Variants in FSTL5 observed in about 807,000 individuals in gnomAD.
FSTL5 encodes follistatin-related protein 5.
In FSTL5, 62 loss-of-function variants were observed where a neutral mutation model predicts 89.1. That is an observed-to-expected ratio of 0.70 (90% CI 0.57 to 0.86). The LOEUF (loss-of-function observed/expected upper bound fraction) is 0.86. Ranked by LOEUF, FSTL5 falls within the 40% of genes least tolerant of loss-of-function variation. The pLI, the probability that FSTL5 is intolerant of heterozygous loss-of-function variation, is 0.00. For missense variants in FSTL5, 1,057 were observed against 1,001.6 expected (o/e 1.06, Z -0.75); for synonymous variants, 383 against 346.2 (o/e 1.11, Z -1.18).
chr4:161,719,505 T>C (rs1279511282), intron 6 of FSTL5, among the ~76,000 whole-genome samples: 1 of 152,194 alleles, frequency 6.6e-6, no homozygotes, highest in Non-Finnish European at 1.5e-5. Flanking sequence ...GTGTTTTCTA[T>C]TTCTGTAAAA....
chr4:161,541,382 G>T (rs1449325918), intron 9 of FSTL5, among the ~76,000 whole-genome samples: 2 of 151,846 alleles, frequency 1.3e-5, no homozygotes, highest in Non-Finnish European at 2.9e-5. Context: ...ATGGTTTATT[G>T]CTATTAAATG....
Position 162,051,966 on chromosome 4 carries a change from G to A in FSTL5, c.127-18308C>T, listed in dbSNP as rs1040013275. Among the ~76,000 whole-genome samples, 3 of 151,270 alleles carry A rather than the reference G, an allele frequency of 2.0e-5. No homozygotes were observed. The East Asian group carries it at 5.8e-4, about 29-fold the overall frequency. On this transcript the variant is annotated intron_variant, in intron 2 of 15. Transcript: ENST00000306100. ...ACAAGAAGGAAATAGGGAAGAAAAAGAAATAAAAAATATAAACAAAATTTG... is the reference window on the plus strand; with the variant it reads ...ACAAGAAGGAAATAGGGAAGAAAAAAAAATAAAAAATATAAACAAAATTTG...
intron 6 of FSTL5, among the ~76,000 whole-genome samples, chr4:161,751,003 C>T (rs1365752229): frequency 1.3e-5 from 2 of 151,942 alleles, no homozygotes; most frequent in Non-Finnish European, 2.9e-5. Flanking sequence ...AAATGTTTCA[C>T]TTGAACTGTC....
chr4:161,973,014 T>C (rs1735529379), intron 3 of FSTL5, among the ~76,000 whole-genome samples: 1 of 152,216 alleles, frequency 6.6e-6, no homozygotes, highest in African/African-American at 2.4e-5. Context: ...TCTTAGGAAT[T>C]GGTATTTTTT....
At chr4:162,093,236 A>G (rs576010238) in intron 2 of FSTL5, among the ~76,000 whole-genome samples, 6 of 152,258 alleles carry the variant, frequency 3.9e-5, no homozygotes, top group African/African-American at 1.4e-4. Flanking sequence ...AGCAGTGCTC[A>G]TTTTTTGTGT....
chr4:162,004,340 T>C (rs1736551415), intron 3 of FSTL5, among the ~76,000 whole-genome samples: 1 of 152,214 alleles, frequency 6.6e-6, no homozygotes, highest in Admixed American at 6.5e-5. Flanking sequence ...TAGGTCCCAT[T>C]GACTCTGCTT....
At chr4:161,802,247 A>T (rs1227670649) in intron 4 of FSTL5, among the ~76,000 whole-genome samples, 1 of 151,730 alleles carries the variant, frequency 6.6e-6, no homozygotes, top group African/African-American at 2.4e-5. Flanking sequence ...AAAATTAACT[A>T]TCTCCTATAA....
chr4:161,933,445 T>C (rs1193311455), intron 3 of FSTL5, among the ~76,000 whole-genome samples: 2 of 152,110 alleles, frequency 1.3e-5, no homozygotes, highest in Non-Finnish European at 2.9e-5. Context: ...CCTGAAGCCT[T>C]ATATTTTAGT....
At chr4:162,140,862 T>A (rs753692803) in intron 1 of FSTL5, among the ~76,000 whole-genome samples, 21 of 152,126 alleles carry the variant, frequency 1.4e-4, no homozygotes, top group Non-Finnish European at 2.5e-4. Context: ...GAGGTTAATA[T>A]GACCCCAAGA....
chr4:161,620,001 A>G (rs769587422), intron 7 of FSTL5, among the ~76,000 whole-genome samples: 5 of 152,108 alleles, frequency 3.3e-5, no homozygotes, highest in Admixed American at 6.5e-5. Context: ...ATGGAATACC[A>G]TGCAGCCATA....
intron 6 of FSTL5, among the ~76,000 whole-genome samples, chr4:161,689,943 C>T (rs555133461): frequency 3.8e-4 from 58 of 152,190 alleles, no homozygotes; most frequent in South Asian, 1.2e-3. Context: ...ATCATACTTT[C>T]GAGATTCATC....
At chr4:162,119,230 T>TAA (rs35645704) in intron 1 of FSTL5, among the ~76,000 whole-genome samples, 7,224 of 142,616 alleles carry the variant, frequency 0.051, 344 homozygotes, top group East Asian at 0.27. Flanking sequence ...CTATCTCTCT[T>TAA]AAAAAAAAAA....
intron 13 of FSTL5, among the ~76,000 whole-genome samples, chr4:161,466,522 G>A (rs896817468): frequency 4.6e-5 from 7 of 152,070 alleles, no homozygotes; most frequent in African/African-American, 4.8e-5. Flanking sequence ...AAGATAATAC[G>A]CTAATGGCTG....
chr4:161,774,016 C>T (rs190663419), intron 5 of FSTL5, among the ~76,000 whole-genome samples: 1 of 152,208 alleles, frequency 6.6e-6, no homozygotes, highest in East Asian at 1.9e-4. Context: ...AATCCCAGCA[C>T]TTTGGGAGGA....
chr4:161,916,905 C>G (rs909831281), intron 4 of FSTL5, among the ~76,000 whole-genome samples: 19 of 152,162 alleles, frequency 1.2e-4, no homozygotes, highest in African/African-American at 4.1e-4. Flanking sequence ...TAAAACAATG[C>G]ATCAATACAC....
chr4:162,101,909 A>G (rs1317213878), intron 2 of FSTL5, among the ~76,000 whole-genome samples: 1 of 152,198 alleles, frequency 6.6e-6, no homozygotes, highest in African/African-American at 2.4e-5. Context: ...TTGCCAATGG[A>G]TCAATATCAA....
At chr4:161,421,720 C>A (rs1017924039) in intron 15 of FSTL5, among the ~76,000 whole-genome samples, 11 of 152,168 alleles carry the variant, frequency 7.2e-5, no homozygotes, top group Non-Finnish European at 1.3e-4. Flanking sequence ...TGGGCATCGT[C>A]CAATCTGTTG....
At chr4:161,446,653 C>T (rs546961287) in intron 15 of FSTL5, among the ~76,000 whole-genome samples, 1 of 152,114 alleles carries the variant, frequency 6.6e-6, no homozygotes, top group South Asian at 2.1e-4. Context: ...ATGATTGATT[C>T]AAAATATTGC....
chr4:161,641,510 T>G (rs868515546), intron 7 of FSTL5, among the ~76,000 whole-genome samples: 2,377 of 144,204 alleles, frequency 0.016, 75 homozygotes, highest in African/African-American at 0.056. Context: ...TTTTGTTTTG[T>G]TTTTTTTTTT....
Sources: allele counts gnomAD v4.1 joint callset (sites outside exome capture counted in the v4.1 genomes callset), GRCh38; gene constraint gnomAD v4.1.1; transcripts MANE v1.5; gene names NCBI Gene and HGNC (gene_info 2026-07-23, HGNC 2026-07-21).